ALDH1A1: variants seen among roughly 807,000 people sequenced by gnomAD.
ALDH1A1 encodes the protein aldehyde dehydrogenase 1 family member A1.
A neutral mutation model predicts 62.1 loss-of-function variants in ALDH1A1; 19 were observed. The observed-to-expected ratio is 0.31, with a 90% CI of 0.21 to 0.45. ALDH1A1 has a LOEUF of 0.45. ALDH1A1 is among the 20% of genes least tolerant of loss of function. The pLI is 1.00. For missense variants in ALDH1A1, 521 were observed against 607.1 expected (o/e 0.86, Z 1.49); for synonymous variants, 231 against 215.9 (o/e 1.07, Z -0.61).
chr9:72,918,748 G>A lies in ALDH1A1; in HGVS notation c.822C>T (p.Ser274=). ...CGGCATCAGCTAACACAATGCAAGG[G>A]CTCTTTCCTCCAAGCTCCAGGGTCA... ...KRVTLELGGK[S]PCIVLADADL... The change falls in exon 8 of 13, where the codon AGC becomes AGT. Residue 274 remains serine (S), a synonymous_variant. Coordinates refer to ENST00000297785, the MANE Select transcript of ALDH1A1 (RefSeq NM_000689.5). 1.2e-6 allele frequency: 2 copies of A among 1,612,540 alleles called. No individual in the cohort carries two copies. Among genetic ancestry groups the A allele is most frequent in the South Asian group, 2.2e-5 (2 of 90,992 alleles).
At chr9:72,928,400 T>G (rs1038658357) in intron 4 of ALDH1A1, among the ~76,000 whole-genome samples, 2 of 152,144 alleles carry the variant, frequency 1.3e-5, no homozygotes, top group Non-Finnish European at 2.9e-5. Context: ...TTGAAACGAG[T>G]CCGTGTGAAC....
At chr9:72,934,855 C>T (rs938087128) in intron 2 of ALDH1A1, among the ~76,000 whole-genome samples, 1 of 152,168 alleles carries the variant, frequency 6.6e-6, no homozygotes, top group Non-Finnish European at 1.5e-5. Flanking sequence ...TAGAATCAAC[C>T]TTTGATCCCA....
At chr9:72,942,457 T>C in intron 1 of ALDH1A1, 1 of 828,886 alleles carries the variant, frequency 1.2e-6, no homozygotes, top group Non-Finnish European at 1.5e-6. Context: ...TATCACTTTG[T>C]TCTATACAAG....
chr9:72,947,665 T>C (rs555095279), intron 1 of ALDH1A1, among the ~76,000 whole-genome samples: 54 of 152,042 alleles, frequency 3.6e-4, no homozygotes, highest in African/African-American at 1.2e-3. Context: ...CTGGTTTTGA[T>C]ATTTAAGGAA....
chr9:72,923,103 A>C (rs896748365), intron 7 of ALDH1A1, among the ~76,000 whole-genome samples: 6 of 152,230 alleles, frequency 3.9e-5, no homozygotes, highest in African/African-American at 1.4e-4. Context: ...AGGAAGTTAA[A>C]AAAGTAACAA....
At chr9:72,940,684 T>G (rs1254202262) in intron 1 of ALDH1A1, among the ~76,000 whole-genome samples, 1 of 152,152 alleles carries the variant, frequency 6.6e-6, no homozygotes, top group Admixed American at 6.5e-5. Context: ...CTTTAATGTT[T>G]TAAAGTTAAA....
At chr9:72,924,514 G>A (rs1830180970) in intron 6 of ALDH1A1, among the ~76,000 whole-genome samples, 1 of 152,206 alleles carries the variant, frequency 6.6e-6, no homozygotes, top group Non-Finnish European at 1.5e-5. Flanking sequence ...AGAAGCTGAA[G>A]GGATCTAACA....
chr9:72,904,213 A>G (rs750901755), intron 12 of ALDH1A1, among the ~76,000 whole-genome samples: 1 of 152,122 alleles, frequency 6.6e-6, no homozygotes, highest in African/African-American at 2.4e-5. Context: ...GTCAGACTCC[A>G]GTAATGTTTT....
At chr9:72,933,074 C>T (rs1470988084) in intron 2 of ALDH1A1, among the ~76,000 whole-genome samples, 1 of 152,222 alleles carries the variant, frequency 6.6e-6, no homozygotes, top group Non-Finnish European at 1.5e-5. Flanking sequence ...GCCCCCTTTT[C>T]TCACATCTTA....
intron 2 of ALDH1A1, among the ~76,000 whole-genome samples, chr9:72,936,154 G>C (rs1045633325): frequency 6.6e-6 from 1 of 152,136 alleles, no homozygotes; most frequent in African/African-American, 2.4e-5. Flanking sequence ...GTAAGCAATA[G>C]TAATTGTCAA....
chr9:72,921,141 G>C (rs1006037067), intron 7 of ALDH1A1, among the ~76,000 whole-genome samples: 1 of 151,892 alleles, frequency 6.6e-6, no homozygotes, highest in Non-Finnish European at 1.5e-5. Context: ...CAGCTACTCG[G>C]GAGGCTGAGG....
In ALDH1A1 at chr9:72,942,595, C is replaced by T. The variant is rs144129974; in HGVS notation, c.67-2343G>A. ...CTCCTCAGAATACTTTAGTGATCCTCTATTGTCAGACTGCTTAACATGGCA... is the reference window on the plus strand; with the variant it reads ...CTCCTCAGAATACTTTAGTGATCCTTTATTGTCAGACTGCTTAACATGGCA... On this transcript the variant is annotated intron_variant, in intron 1 of 12. Coordinates refer to ENST00000297785, the MANE Select transcript of ALDH1A1 (RefSeq NM_000689.5). 2.3e-4 allele frequency among the ~76,000 whole-genome samples: 35 copies of T among 152,262 alleles called. No individual in the cohort carries two copies. In the East Asian group the frequency reaches 6.8e-3, roughly 29 times the overall value.
intron 6 of ALDH1A1, among the ~76,000 whole-genome samples, chr9:72,924,401 A>G (rs777977735): frequency 6.6e-6 from 1 of 152,198 alleles, no homozygotes; most frequent in Non-Finnish European, 1.5e-5. Flanking sequence ...GCTCTTTCAA[A>G]TTTCATAATG....
At chr9:72,917,873 T>G (rs1319654428) in intron 8 of ALDH1A1, among the ~76,000 whole-genome samples, 1 of 152,218 alleles carries the variant, frequency 6.6e-6, no homozygotes, top group Admixed American at 6.5e-5. Flanking sequence ...TATTATTTAT[T>G]TTGTGAACTA....
At chr9:72,920,812 A>G (rs1195433860) in intron 7 of ALDH1A1, among the ~76,000 whole-genome samples, 3 of 152,254 alleles carry the variant, frequency 2.0e-5, no homozygotes, top group Non-Finnish European at 2.9e-5. Flanking sequence ...GCAATGAAGA[A>G]AAGATAAGAA....
At chr9:72,945,109 T>G (rs1830460707) in intron 1 of ALDH1A1, among the ~76,000 whole-genome samples, 1 of 152,134 alleles carries the variant, frequency 6.6e-6, no homozygotes, top group Non-Finnish European at 1.5e-5. Flanking sequence ...GTAAAAGTTA[T>G]TATGTCTTAA....
chr9:72,924,155 G>C, intron 6 of ALDH1A1, 23 bp from the exon 7 acceptor site: 1 of 1,547,320 alleles, frequency 6.5e-7, no homozygotes, highest in Non-Finnish European at 8.9e-7. Context: ...AAGTTTAAAA[G>C]TTACAGTATA....
Position 72,912,090 on chromosome 9 carries a change from G to C in ALDH1A1, c.1068C>G (p.Asp356Glu). 4 of 1,613,494 alleles carry C rather than the reference G, an allele frequency of 2.5e-6. No individual in the cohort carries two copies. The South Asian group carries it at 4.4e-5, about 18-fold the overall frequency. The change falls in exon 10 of 13, where the codon GAC (aspartate) becomes GAG (glutamate). Residue 356 changes from aspartate to glutamate, a missense_variant. Transcript: ENST00000297785. The part of the protein sequence containing the change: ...IDKEQYDKIL[D>E]LIESGKKEGA... Reference sequence around the variant, plus strand: ...CTTCTTTCTTCCCACTCTCAATGAGGTCAAGTATTTTATCATATTGTTCCT... The same window carrying C: ...CTTCTTTCTTCCCACTCTCAATGAGCTCAAGTATTTTATCATATTGTTCCT...
chr9:72,920,775 C>G (rs767213656), intron 7 of ALDH1A1, among the ~76,000 whole-genome samples: 9 of 152,168 alleles, frequency 5.9e-5, no homozygotes, highest in Non-Finnish European at 8.8e-5. Flanking sequence ...GAAAAGTAAA[C>G]GTTTATCATT....
Sources: allele counts gnomAD v4.1 joint callset (sites outside exome capture counted in the v4.1 genomes callset), GRCh38; gene constraint gnomAD v4.1.1; transcripts MANE v1.5; gene names NCBI Gene and HGNC (gene_info 2026-07-23, HGNC 2026-07-21).